C12orf50: variants seen among roughly 807,000 people sequenced by gnomAD.
C12orf50 encodes zinc finger CCCH-type containing 11D, also known as uncharacterized protein C12orf50.
C12orf50 carries 35 observed loss-of-function variants against 61.6 expected under a neutral mutation model. The ratio of observed to expected loss-of-function variants is 0.57; its 90% CI spans 0.43 to 0.75. The LOEUF (loss-of-function observed/expected upper bound fraction) is 0.75. Ranked by LOEUF, C12orf50 falls within the 30% of genes least tolerant of loss-of-function variation. The pLI is 0.00. For missense variants in C12orf50, 475 were observed against 488.5 expected (o/e 0.97, Z 0.26); for synonymous variants, 178 against 161.5 (o/e 1.10, Z -0.77).
In C12orf50 at chr12:87,985,922, G is replaced by A. The variant is rs1194079941; in HGVS notation, c.1054C>T (p.Arg352Cys). The change falls in exon 11 of 13, where the codon CGC (arginine) becomes TGC (cysteine). Residue 352 changes from arginine to cysteine, a missense_variant. Physicochemically the swap from Arg to Cys is radical, Grantham distance 180. Transcript: ENST00000298699. Reference sequence around the variant, plus strand: ...TAGGACCCATGCGTGGGCCTGCTGCGGGAAGGTGCATTCAACGCGACAGTC... The same window carrying A: ...TAGGACCCATGCGTGGGCCTGCTGCAGGAAGGTGCATTCAACGCGACAGTC... ...VRTVALNAPS[R>C]SRPTHGSYNK... 8.1e-6 allele frequency: 13 copies of A among 1,613,690 alleles called. No individual in the cohort carries two copies. In the Admixed American group the frequency reaches 2.0e-4, roughly 25 times the overall value.
At chr12:88,005,238 C>G (rs904510476) in intron 3 of C12orf50, among the ~76,000 whole-genome samples, 3 of 152,124 alleles carry the variant, frequency 2.0e-5, no homozygotes, top group East Asian at 1.9e-4. Context: ...AAACCTGAAG[C>G]TTGTTGTTTG....
At chr12:87,998,743 T>C (rs2031528756) in intron 3 of C12orf50, among the ~76,000 whole-genome samples, 2 of 152,112 alleles carry the variant, frequency 1.3e-5, no homozygotes, top group African/African-American at 4.8e-5. Flanking sequence ...AGCATAAAAA[T>C]AAAAGTAGAT....
chr12:88,009,781 C>G (rs921591388), intron 3 of C12orf50, among the ~76,000 whole-genome samples: 4 of 152,126 alleles, frequency 2.6e-5, no homozygotes, highest in African/African-American at 9.6e-5. Flanking sequence ...CATAAGCACA[C>G]ATGCTGCAAA....
intron 3 of C12orf50, among the ~76,000 whole-genome samples, chr12:88,015,194 T>C (rs2032266848): frequency 6.6e-6 from 1 of 152,210 alleles, no homozygotes; most frequent in South Asian, 2.1e-4. Context: ...ATAACCATTA[T>C]GAATTGTCTT....
chr12:87,986,670 G>T (rs2030841489), intron 9 of C12orf50, among the ~76,000 whole-genome samples: 2 of 152,024 alleles, frequency 1.3e-5, no homozygotes, highest in Admixed American at 1.3e-4. Flanking sequence ...TCCTCCAAAG[G>T]AATGTGTGGA....
At chr12:88,014,995 A>AT (rs1199549514) in intron 3 of C12orf50, among the ~76,000 whole-genome samples, 1 of 152,092 alleles carries the variant, frequency 6.6e-6, no homozygotes, top group African/African-American at 2.4e-5. Flanking sequence ...TCCTGCCTTT[A>AT]TTTTTTTGCA....
chr12:87,990,014 G>A (rs1264198511), intron 7 of C12orf50, among the ~76,000 whole-genome samples: 1 of 151,986 alleles, frequency 6.6e-6, no homozygotes, highest in Non-Finnish European at 1.5e-5. Flanking sequence ...ATAATCCAAT[G>A]TGACTTTACC....
intron 12 of C12orf50, among the ~76,000 whole-genome samples, 200 bp downstream of exon 12, chr12:87,982,903 A>G (rs572799647): frequency 1.3e-5 from 2 of 152,338 alleles, no homozygotes; most frequent in East Asian, 1.9e-4. Flanking sequence ...ACACATAAAA[A>G]TAGGCAAAGA....
intron 3 of C12orf50, among the ~76,000 whole-genome samples, chr12:88,014,325 A>G (rs2032225749): frequency 1.3e-5 from 2 of 151,858 alleles, no homozygotes; most frequent in African/African-American, 2.4e-5. Context: ...TTTTAGAGAC[A>G]GAGTCTCGCT....
intron 7 of C12orf50, among the ~76,000 whole-genome samples, chr12:87,992,765 C>A (rs554851505): frequency 3.3e-5 from 5 of 152,138 alleles, no homozygotes; most frequent in African/African-American, 1.2e-4. Context: ...TTGATACATA[C>A]ACAAGTAAAA....
intron 3 of C12orf50, among the ~76,000 whole-genome samples, chr12:88,013,852 T>C (rs967238861): frequency 6.6e-6 from 1 of 152,156 alleles, no homozygotes; most frequent in African/African-American, 2.4e-5. Flanking sequence ...TGTTTGGTTT[T>C]TGGTGGTTGT....
intron 3 of C12orf50, among the ~76,000 whole-genome samples, chr12:88,014,866 A>G (rs1018918752): frequency 2.0e-5 from 3 of 152,190 alleles, no homozygotes; most frequent in Non-Finnish European, 4.4e-5. Context: ...ATCTCTTATA[A>G]CTCCACTTCA....
At chr12:88,028,282 C>A (rs1041204232) in intron 1 of C12orf50, among the ~76,000 whole-genome samples, 2 of 152,162 alleles carry the variant, frequency 1.3e-5, no homozygotes, top group Non-Finnish European at 2.9e-5. Flanking sequence ...TTTAATCTAA[C>A]AGGTAATAGA....
intron 5 of C12orf50, 32 bp downstream of exon 5, chr12:87,996,537 A>G: frequency 6.3e-7 from 1 of 1,592,666 alleles, no homozygotes; most frequent in Non-Finnish European, 8.6e-7. Context: ...CACATCAAGT[A>G]TTAGAAAATA....
rs1274158064 is a variant in C12orf50 at position 87,983,090 on chromosome 12, T to G, written c.1219+13A>C. 6.7e-7 allele frequency: 1 copy of G among 1,486,030 alleles called. No individual in the cohort carries two copies. Among genetic ancestry groups the G allele is most frequent in the Non-Finnish European group, 9.3e-7 (1 of 1,075,834 alleles). 92.1% of individuals were successfully genotyped at this position (1,486,030 alleles called of 1,614,324 possible). ...AATTGCATGATACATTAAAACCACT[T>G]ATAAATAGTTACCTGGATATATCTT... On this transcript the variant is annotated intron_variant, in intron 12 of 12. Coordinates refer to ENST00000298699, the MANE Select transcript of C12orf50 (RefSeq NM_152589.3).
At chr12:87,991,698 C>G (rs1439651347) in intron 7 of C12orf50, among the ~76,000 whole-genome samples, 1 of 152,156 alleles carries the variant, frequency 6.6e-6, no homozygotes, top group Non-Finnish European at 1.5e-5. Context: ...TGATGTACCA[C>G]TAGCCACTCA....
chr12:88,006,922 C>T (rs868440145), intron 3 of C12orf50, among the ~76,000 whole-genome samples: 22 of 152,134 alleles, frequency 1.4e-4, no homozygotes, highest in South Asian at 2.1e-4. Context: ...ACTGACTTGC[C>T]ATTTTTACTG....
chr12:87,986,443 T>G (rs1387924960), intron 9 of C12orf50, 27 bp from the exon 10 acceptor site: 1 of 1,512,532 alleles, frequency 6.6e-7, no homozygotes, highest in African/African-American at 1.4e-5. Context: ...ATTTTACAAT[T>G]TTTTAAGAGA....
intron 3 of C12orf50, among the ~76,000 whole-genome samples, chr12:88,005,157 A>C (rs2031808739): frequency 6.6e-6 from 1 of 152,174 alleles, no homozygotes; most frequent in South Asian, 2.1e-4. Context: ...TGCATGTCTT[A>C]TAATTTTTAT....
Sources: allele counts gnomAD v4.1 joint callset (sites outside exome capture counted in the v4.1 genomes callset), GRCh38; gene constraint gnomAD v4.1.1; transcripts MANE v1.5; gene names NCBI Gene and HGNC (gene_info 2026-07-23, HGNC 2026-07-21).